The following FHIT variants were observed in gnomAD, a reference collection of about 807,000 sequenced individuals.
FHIT encodes bis(5'-adenosyl)-triphosphatase.
Under a neutral mutation model 17.9 loss-of-function variants are expected in FHIT, and 19 were observed. That is an observed-to-expected ratio of 1.06 (90% confidence interval 0.74 to 1.56). FHIT has a LOEUF of 1.56. Ranked by LOEUF, FHIT falls within the 40% of genes most tolerant of loss-of-function variation. FHIT has a pLI of 0.00. For synonymous variants in FHIT, 81 were observed against 69.7 expected, an observed-to-expected ratio of 1.16 and a Z score of -0.81; for missense variants, 248 against 189.2, an observed-to-expected ratio of 1.31 and a Z score of -1.82.
intron 3 of FHIT, among the ~76,000 whole-genome samples, chr3:60,899,684 T>C (rs1435194594): frequency 2.0e-5 from 3 of 152,124 alleles, no homozygotes; most frequent in East Asian, 1.9e-4. Context: ...CTCAATAATA[T>C]GTGCAAAAGT....
intron 3 of FHIT, among the ~76,000 whole-genome samples, chr3:60,899,571 C>A: frequency 6.6e-6 from 1 of 152,150 alleles, no homozygotes; most frequent in East Asian, 1.9e-4. Flanking sequence ...TAAAGGAAAC[C>A]TGCTCCTAAA....
At chr3:60,630,984 C>T (rs1298977208) in intron 4 of FHIT, among the ~76,000 whole-genome samples, 1 of 145,756 alleles carries the variant, frequency 6.9e-6, no homozygotes, top group Non-Finnish European at 1.5e-5. Flanking sequence ...GTAAAAAACA[C>T]TCTCAATCTT....
chr3:60,867,509 T>C lies in FHIT; in HGVS notation c.-110-45498A>G, dbSNP rs191183482. On this transcript the variant is annotated intron_variant, in intron 3 of 9. Coordinates refer to ENST00000492590, the MANE Select transcript of FHIT (RefSeq NM_002012.4). ...GGGCAGCCTTTATGCAGGAACAAAG[T>C]CTTCAGAAGGTTTAACTATGGCAGA... Among the ~76,000 whole-genome samples the C allele has an allele frequency of 9.5e-4, 144 of 152,260 alleles. 1 individual carries two copies. Among genetic ancestry groups the C allele is most frequent in the African/African-American group, 3.3e-3 (138 of 41,558 alleles).
At chr3:60,709,647 C>A (rs1203530109) in intron 4 of FHIT, among the ~76,000 whole-genome samples, 1 of 152,164 alleles carries the variant, frequency 6.6e-6, no homozygotes, top group Non-Finnish European at 1.5e-5. Context: ...CAAATGTTGA[C>A]ACCTTTCATT....
In FHIT at chr3:60,957,528, C is replaced by T. The variant is rs186563973; in HGVS notation, c.-111+84519G>A. ...CTGGGATTACAGGCGTGAGCCATGG[C>T]GCCGGGCCCATCTTCTTTTCTGTCC... On this transcript the variant is annotated intron_variant, in intron 3 of 9. Transcript: ENST00000492590. Among the ~76,000 whole-genome samples, 26 of 147,694 alleles carry T rather than the reference C, an allele frequency of 1.8e-4. No homozygotes were observed. In the East Asian group the frequency reaches 4.3e-3, roughly 25 times the overall value.
intron 5 of FHIT, among the ~76,000 whole-genome samples, chr3:60,061,828 G>C (rs965714092): frequency 2.6e-5 from 4 of 152,184 alleles, no homozygotes; most frequent in African/African-American, 9.7e-5. Context: ...GAATCATACA[G>C]AAGGAAGGGC....
chr3:61,090,315 T>C (rs1387557657), intron 2 of FHIT, among the ~76,000 whole-genome samples: 1 of 152,224 alleles, frequency 6.6e-6, no homozygotes, highest in African/African-American at 2.4e-5. Context: ...CCCATGTTTA[T>C]GACCAAGGAT....
intron 5 of FHIT, among the ~76,000 whole-genome samples, chr3:60,410,409 C>T (rs1255937793): frequency 6.6e-6 from 1 of 152,176 alleles, no homozygotes; most frequent in Non-Finnish European, 1.5e-5. Flanking sequence ...AAGACTGACA[C>T]AGGTTAATTT....
intron 5 of FHIT, among the ~76,000 whole-genome samples, chr3:60,191,161 G>C (rs1266359120): frequency 6.6e-6 from 1 of 152,030 alleles, no homozygotes; most frequent in Non-Finnish European, 1.5e-5. Flanking sequence ...AGCCAGCAAT[G>C]ATCAAGAAAA....
At chr3:61,234,873 C>T (rs1173033098) in intron 1 of FHIT, among the ~76,000 whole-genome samples, 1 of 152,108 alleles carries the variant, frequency 6.6e-6, no homozygotes. Context: ...CAGCTGTAAG[C>T]TAAGCTACAG....
chr3:60,589,291 C>T (rs2038005352), intron 4 of FHIT, among the ~76,000 whole-genome samples: 1 of 151,998 alleles, frequency 6.6e-6, no homozygotes. Context: ...CAGGCCCAAC[C>T]ACTTCTTTCT....
chr3:59,921,058 A>C (rs532022730), intron 8 of FHIT, among the ~76,000 whole-genome samples: 1 of 152,312 alleles, frequency 6.6e-6, no homozygotes, highest in East Asian at 1.9e-4. Context: ...ATCAGCACTT[A>C]GGGACTGGTG....
At chr3:60,009,080 T>G (rs1244886295) in intron 7 of FHIT, among the ~76,000 whole-genome samples, 1 of 152,068 alleles carries the variant, frequency 6.6e-6, no homozygotes, top group African/African-American at 2.4e-5. Flanking sequence ...AAGATCGCAT[T>G]TTGAAAAGCA....
At chr3:60,790,673 T>C (rs375134185) in intron 4 of FHIT, among the ~76,000 whole-genome samples, 11 of 152,308 alleles carry the variant, frequency 7.2e-5, no homozygotes, top group Admixed American at 5.2e-4. Flanking sequence ...GATGAATATA[T>C]GGAGCAGGGG....
intron 1 of FHIT, among the ~76,000 whole-genome samples, chr3:61,211,937 G>A (rs762530849): frequency 3.3e-5 from 5 of 152,230 alleles, no homozygotes; most frequent in Non-Finnish European, 5.9e-5. Flanking sequence ...CAGTCCTGCA[G>A]CTGAGGGTCC....
At chr3:60,395,315 C>G (rs1213272584) in intron 5 of FHIT, among the ~76,000 whole-genome samples, 1 of 152,114 alleles carries the variant, frequency 6.6e-6, no homozygotes, top group Non-Finnish European at 1.5e-5. Context: ...TTTATATGGA[C>G]TGTCTCATTA....
chr3:60,919,762 G>A (rs990565785), intron 3 of FHIT, among the ~76,000 whole-genome samples: 4 of 152,164 alleles, frequency 2.6e-5, no homozygotes, highest in African/African-American at 4.8e-5. Context: ...TAGGCCAGGC[G>A]CAGTGGCTCA....
At chr3:59,870,789 A>G (rs1702881161) in intron 8 of FHIT, among the ~76,000 whole-genome samples, 1 of 152,168 alleles carries the variant, frequency 6.6e-6, no homozygotes, top group Non-Finnish European at 1.5e-5. Context: ...TATTGCTAGA[A>G]GCAGACACAC....
chr3:61,204,336 A>G (rs1195319026), intron 1 of FHIT, among the ~76,000 whole-genome samples: 1 of 152,178 alleles, frequency 6.6e-6, no homozygotes, highest in East Asian at 1.9e-4. Flanking sequence ...GTATCTGGAC[A>G]ATCAGTTTAT....
Sources: gnomAD v4.1 joint callset for allele counts (sites outside exome capture counted in the v4.1 genomes callset) on GRCh38, gnomAD v4.1.1 for gene constraint, MANE v1.5 for transcripts, NCBI Gene and HGNC (gene_info 2026-07-23, HGNC 2026-07-21) for gene names.